The following PTCHD4 variants were observed in gnomAD, a reference collection of about 807,000 sequenced individuals.
The protein encoded by PTCHD4 is patched domain containing 4.
Under a neutral mutation model 58.1 loss-of-function variants are expected in PTCHD4, and 33 were observed. That is an observed-to-expected ratio of 0.57 (90% CI 0.43 to 0.76). The LOEUF (loss-of-function observed/expected upper bound fraction) is 0.76. Ranked by LOEUF, PTCHD4 falls within the 30% of genes least tolerant of loss-of-function variation. PTCHD4 has a pLI of 0.00. For synonymous variants in PTCHD4, 478 were observed against 409.6 expected (o/e 1.17, Z -2.02); for missense variants, 1,058 against 1,027.1 (o/e 1.03, Z -0.41).
chr6:47,989,938 T>C (rs145854628), intron 4 of PTCHD4, among the ~76,000 whole-genome samples: 4 of 152,064 alleles, frequency 2.6e-5, no homozygotes, highest in African/African-American at 9.7e-5. Context: ...GCCACAGACA[T>C]TCAATGACAG....
In PTCHD4 at chr6:48,050,219, G is replaced by A. The variant is rs553214477; in HGVS notation, c.417+18011C>T. 3.9e-5 allele frequency among the ~76,000 whole-genome samples: 6 copies of A among 152,008 alleles called. No homozygotes were observed. In the East Asian group the frequency reaches 9.7e-4, roughly 25 times the overall value. On this transcript the variant is annotated intron_variant, in intron 3 of 4. Coordinates refer to ENST00000339488, the MANE Select transcript of PTCHD4 (RefSeq NM_001384253.1). ...CTTCCAAGAAAAGTGGCAGAAATTC[G>A]ATCAATTACATGATGTGCACATAAA... is the stretch of plus-strand genomic sequence containing the variant.
intron 4 of PTCHD4, among the ~76,000 whole-genome samples, chr6:47,996,074 CTT>C (rs963526904): frequency 6.6e-6 from 1 of 152,086 alleles, no homozygotes. Context: ...TTATTTCAAA[CTT>C]TTATATATTT....
Position 48,051,414 on chromosome 6 carries a change from CT to C in PTCHD4, c.417+16815del, listed in dbSNP as rs544083418. The stretch of plus-strand genomic sequence containing the variant: ...GGATTTATAAAAGAAGTCATATATA[CT>C]CTTCACTTTTGCTTGTTAAGTAGTC... On this transcript the variant is annotated intron_variant, in intron 3 of 4. Coordinates refer to ENST00000339488, the MANE Select transcript of PTCHD4 (RefSeq NM_001384253.1). Among the ~76,000 whole-genome samples the C allele has an allele frequency of 3.9e-4, 60 of 152,078 alleles. 1 individual carries two copies. The East Asian group carries it at 0.011, about 27-fold the overall frequency.
chr6:48,099,584 G>A (rs1207651392), intron 1 of PTCHD4, among the ~76,000 whole-genome samples: 1 of 152,152 alleles, frequency 6.6e-6, no homozygotes, highest in Admixed American at 6.5e-5. Context: ...CTTACCTTCA[G>A]CCATATTTTT....
At chr6:47,943,478 G>T (rs1056896439) in intron 4 of PTCHD4, among the ~76,000 whole-genome samples, 1 of 152,060 alleles carries the variant, frequency 6.6e-6, no homozygotes, top group Non-Finnish European at 1.5e-5. Flanking sequence ...CACGTGCTGT[G>T]GGGAGGCAGT....
In PTCHD4 at chr6:48,010,384, T is replaced by C. The variant is rs75787829; in HGVS notation, c.418-1270A>G. 1.1e-3 allele frequency among the ~76,000 whole-genome samples: 168 copies of C among 152,254 alleles called. 1 individual carries two copies. Among genetic ancestry groups the C allele is most frequent in the African/African-American group, 3.8e-3 (158 of 41,572 alleles). On this transcript the variant is annotated intron_variant, in intron 3 of 4. Transcript: ENST00000339488. ...TGTTTTTCGCAGAACTGGGAGGTAT[T>C]ATGTACTCTAGCAGACACATGTCTT...
intron 3 of PTCHD4, among the ~76,000 whole-genome samples, chr6:48,038,143 G>A (rs12205869): frequency 0.19 from 28,944 of 151,914 alleles, 3,112 homozygotes; most frequent in South Asian, 0.26. Context: ...TGAAACTGAG[G>A]AAGGAATAGA....
At position 47,996,544 on chromosome 6, in the gene PTCHD4, C is replaced by A. The variant is rs565161152; in HGVS notation, c.898+12090G>T. On this transcript the variant is annotated intron_variant, in intron 4 of 4. Coordinates refer to ENST00000339488, the MANE Select transcript of PTCHD4 (RefSeq NM_001384253.1). The stretch of plus-strand genomic sequence containing the variant: ...AGAAGCCCCGGGCTCAGTTGGAGAA[C>A]AGCTAGCAGAGCCAAGGAGCCTGGG... 2.0e-3 allele frequency among the ~76,000 whole-genome samples: 298 copies of A among 152,220 alleles called. 1 individual carries two copies. Among genetic ancestry groups the A allele is most frequent in the Middle Eastern group, 6.8e-3 (2 of 294 alleles).
chr6:47,890,409 T>G (rs1219189317), intron 4 of PTCHD4, among the ~76,000 whole-genome samples: 3 of 152,112 alleles, frequency 2.0e-5, no homozygotes, highest in African/African-American at 7.2e-5. Flanking sequence ...TGTGTTTAAA[T>G]CCCATATCTC....
chr6:47,878,228 T>C lies in PTCHD4; in HGVS notation c.*75A>G. The C allele has an allele frequency of 1.4e-6, 2 of 1,379,422 alleles. No homozygotes were observed. The highest frequency in any genetic ancestry group is 9.9e-7 in the Non-Finnish European group (1 of 1,011,414). 85.4% of individuals were successfully genotyped at this position (1,379,422 alleles called of 1,614,324 possible). A position where few individuals can be genotyped will look rare whatever the true frequency, so the allele number is the denominator to read the frequency against. On this transcript the variant is annotated 3_prime_UTR_variant, in exon 5 of 5. Transcript: ENST00000339488. ...GTTACCCCTGGCCAGCCCAAGCAGCTGAGGTCTGAGCTTTACTTGCCCTGC... is the reference window on the plus strand; with the variant it reads ...GTTACCCCTGGCCAGCCCAAGCAGCCGAGGTCTGAGCTTTACTTGCCCTGC...
intron 4 of PTCHD4, among the ~76,000 whole-genome samples, chr6:47,969,629 C>T (rs1767426265): frequency 1.3e-5 from 2 of 151,986 alleles, no homozygotes; most frequent in Non-Finnish European, 1.5e-5. Flanking sequence ...AATGACCCCC[C>T]CCAAAAAATA....
At chr6:47,881,781 A>G (rs958815952) in intron 4 of PTCHD4, among the ~76,000 whole-genome samples, 2 of 152,190 alleles carry the variant, frequency 1.3e-5, no homozygotes, top group African/African-American at 2.4e-5. Context: ...ATTAATAGCT[A>G]CTAAAGGAAG....
chr6:48,093,293 G>A (rs1368883404), intron 1 of PTCHD4, among the ~76,000 whole-genome samples: 2 of 152,156 alleles, frequency 1.3e-5, no homozygotes, highest in Non-Finnish European at 2.9e-5. Flanking sequence ...AAAAGGTGAA[G>A]TGACTTGCCC....
At chr6:47,941,560 G>A (rs72867981) in intron 4 of PTCHD4, among the ~76,000 whole-genome samples, 3,532 of 152,276 alleles carry the variant, frequency 0.023, 48 homozygotes, top group Middle Eastern at 0.068. Context: ...AGACTATTAG[G>A]AGGCAGAGCC....
chr6:47,981,039 C>T (rs567714750), intron 4 of PTCHD4, among the ~76,000 whole-genome samples: 1 of 152,158 alleles, frequency 6.6e-6, no homozygotes, highest in East Asian at 1.9e-4. Context: ...GTCATGTGTG[C>T]TGTATTCCCG....
chr6:47,910,089 C>T (rs1250868660), intron 4 of PTCHD4, among the ~76,000 whole-genome samples: 2 of 152,140 alleles, frequency 1.3e-5, no homozygotes, highest in Non-Finnish European at 2.9e-5. Context: ...GCACTATTGC[C>T]GTTGCTCTTC....
At position 47,870,306 on chromosome 6, in the gene PTCHD4, A is replaced by T. The variant is rs1763680918; in HGVS notation, c.*7997T>A. On this transcript the variant is annotated 3_prime_UTR_variant, in exon 5 of 5. Coordinates refer to ENST00000339488, the MANE Select transcript of PTCHD4 (RefSeq NM_001384253.1). ...TTTGTCATGCAGATAAATTATGAGC[A>T]ATTTAACTAAAATTATTGTATTTCA... 6.6e-6 allele frequency among the ~76,000 whole-genome samples: 1 copy of T among 151,644 alleles called. No individual in the cohort carries two copies. The highest frequency in any genetic ancestry group is 1.5e-5 in the Non-Finnish European group (1 of 67,716).
intron 1 of PTCHD4, among the ~76,000 whole-genome samples, chr6:48,110,635 A>G (rs1289886149): frequency 6.9e-6 from 1 of 145,926 alleles, no homozygotes; most frequent in Non-Finnish European, 1.5e-5. Context: ...GTTTTACCAC[A>G]CACACACACA....
At chr6:47,983,332 A>G (rs1385625612) in intron 4 of PTCHD4, among the ~76,000 whole-genome samples, 2 of 152,170 alleles carry the variant, frequency 1.3e-5, no homozygotes, top group Non-Finnish European at 2.9e-5. Context: ...TTGTAATGCC[A>G]ATGTTGAATT....
Sources: gnomAD v4.1 joint callset for allele counts (sites outside exome capture counted in the v4.1 genomes callset) on GRCh38, gnomAD v4.1.1 for gene constraint, MANE v1.5 for transcripts, NCBI Gene and HGNC (gene_info 2026-07-23, HGNC 2026-07-21) for gene names.